The following STAC variants were observed in gnomAD, a reference collection of about 807,000 sequenced individuals.
The protein encoded by STAC is SH3 and cysteine-rich domain-containing protein.
STAC carries 43 observed loss-of-function variants against 48.8 expected under a neutral mutation model. The ratio of observed to expected loss-of-function variants is 0.88; its 90% confidence interval spans 0.69 to 1.14. STAC has a LOEUF of 1.14. Ranked by LOEUF, STAC falls within the 50% of genes most tolerant of loss-of-function variation. The probability of loss-of-function intolerance (pLI) is 0.00; values close to 1 mark genes in which losing one functional copy is unlikely to be tolerated. For missense variants in STAC, 497 were observed against 504.0 expected (o/e 0.99, Z 0.13); for synonymous variants, 193 against 179.5 (o/e 1.07, Z -0.60).
chr3:36,397,892 C>A (rs567140178), intron 1 of STAC, among the ~76,000 whole-genome samples: 1 of 151,676 alleles, frequency 6.6e-6, no homozygotes, highest in Non-Finnish European at 1.5e-5. Context: ...GATAGGATGA[C>A]TTTTGCATGC....
Position 36,533,032 on chromosome 3 carries a change from G to A in STAC, c.1110+4047G>A, listed in dbSNP as rs75350845. Among the ~76,000 whole-genome samples the A allele has an allele frequency of 8.1e-4, 124 of 152,290 alleles. No individual in the cohort carries two copies. In the East Asian group the frequency reaches 0.023, roughly 28 times the overall value. On this transcript the variant is annotated intron_variant, in intron 10 of 10. Coordinates refer to ENST00000273183, the MANE Select transcript of STAC (RefSeq NM_003149.3). ...GGGGCAAAAGCCTAGTAAGTGTCCA[G>A]AATGGAACATAAACACAGGTCTGCA... is the stretch of plus-strand genomic sequence containing the variant.
intron 1 of STAC, among the ~76,000 whole-genome samples, chr3:36,438,494 T>C (rs1487023898): frequency 6.6e-6 from 1 of 152,242 alleles, no homozygotes; most frequent in East Asian, 1.9e-4. Context: ...ATCTGGCCTC[T>C]GCTCTTTTAG....
At chr3:36,479,646 G>C (rs2125697293) in intron 2 of STAC, among the ~76,000 whole-genome samples, 1 of 152,264 alleles carries the variant, frequency 6.6e-6, no homozygotes, top group South Asian at 2.1e-4. Flanking sequence ...TCTGAGAGTA[G>C]GTAGTACTAG....
intron 3 of STAC, among the ~76,000 whole-genome samples, chr3:36,484,492 T>G (rs755961916): frequency 2.0e-5 from 3 of 152,348 alleles, no homozygotes; most frequent in Admixed American, 6.5e-5. Context: ...AAACAGAGAA[T>G]AGAATCCAGA....
At chr3:36,423,800 G>C (rs1331975066) in intron 1 of STAC, among the ~76,000 whole-genome samples, 1 of 152,128 alleles carries the variant, frequency 6.6e-6, no homozygotes, top group Admixed American at 6.5e-5. Context: ...GTTGCTACAA[G>C]ATGTTTTCAG....
Position 36,466,421 on chromosome 3 carries a change from T to TG in STAC, c.389-16571_389-16570insG, listed in dbSNP as rs1465635809. The stretch of plus-strand genomic sequence containing the variant: ...TTCATATGAATTCTAGGATTGTTTT[T>TG]TTCTAGTTCTGTGAAGAATGGTGTT... On this transcript the variant is annotated intron_variant, in intron 2 of 10. Coordinates refer to ENST00000273183, the MANE Select transcript of STAC (RefSeq NM_003149.3). Among the ~76,000 whole-genome samples, 3 of 152,222 alleles carry TG rather than the reference T, an allele frequency of 2.0e-5. No homozygotes were observed. The South Asian group carries it at 6.2e-4, about 31-fold the overall frequency.
chr3:36,469,336 A>G (rs976602973), intron 2 of STAC, among the ~76,000 whole-genome samples: 2 of 152,066 alleles, frequency 1.3e-5, no homozygotes, highest in Non-Finnish European at 2.9e-5. Context: ...TCTTTCCTTC[A>G]TTTATGAAGC....
intron 8 of STAC, among the ~76,000 whole-genome samples, chr3:36,527,955 A>G (rs2125731489): frequency 6.6e-6 from 1 of 152,266 alleles, no homozygotes; most frequent in East Asian, 1.9e-4. Flanking sequence ...TTGAGAGGGT[A>G]TTGGGAAGGT....
At chr3:36,447,207 T>C (rs918471534) in intron 2 of STAC, among the ~76,000 whole-genome samples, 2 of 151,822 alleles carry the variant, frequency 1.3e-5, no homozygotes, top group East Asian at 1.9e-4. Context: ...CCCCAGGAAG[T>C]AGTGAGAGTG....
chr3:36,465,256 T>C (rs1697136182), intron 2 of STAC, among the ~76,000 whole-genome samples: 1 of 152,244 alleles, frequency 6.6e-6, no homozygotes, highest in Non-Finnish European at 1.5e-5. Flanking sequence ...CATTTCTATA[T>C]CTTCTCTAGA....
intron 8 of STAC, among the ~76,000 whole-genome samples, chr3:36,516,118 G>GGATT (rs2125721676): frequency 6.6e-6 from 1 of 151,452 alleles, no homozygotes; most frequent in African/African-American, 2.4e-5. Context: ...CAAGTAGCTG[G>GGATT]GATTACAGGC....
At chr3:36,491,930 C>T (rs1485246322) in intron 5 of STAC, among the ~76,000 whole-genome samples, 1 of 139,158 alleles carries the variant, frequency 7.2e-6, no homozygotes, top group African/African-American at 2.7e-5. Context: ...ACAAGAATCG[C>T]TTGAACCCAG....
intron 2 of STAC, among the ~76,000 whole-genome samples, chr3:36,463,218 A>C (rs755342974): frequency 8.5e-5 from 13 of 152,176 alleles, no homozygotes; most frequent in Admixed American, 2.0e-4. Context: ...ATAGAAGGGA[A>C]TTCTCTCAAT....
chr3:36,407,673 G>A (rs1201359874), intron 1 of STAC, among the ~76,000 whole-genome samples: 1 of 152,192 alleles, frequency 6.6e-6, no homozygotes, highest in African/African-American at 2.4e-5. Flanking sequence ...AAGTTCAGTG[G>A]TTTAGCACAA....
Position 36,505,815 on chromosome 3 carries a change from A to G in STAC, c.901A>G (p.Asn301Asp). The G allele has an allele frequency of 8.1e-6, 13 of 1,606,072 alleles. No individual in the cohort carries two copies. The highest frequency in any genetic ancestry group is 1.1e-5 in the Non-Finnish European group (13 of 1,176,812). The change falls in exon 8 of 11, where the codon AAT becomes GAT. Residue 301 changes from asparagine to aspartate, a missense_variant. Transcript: ENST00000273183. ...VALYKFVPQE[N>D]EDLEMRPGDI... ...CTTGTACAAATTTGTACCACAGGAG[A>G]ATGAAGATTTGGAAATGAGGTAAAA...
chr3:36,518,708 T>C (rs1414563524), intron 8 of STAC, among the ~76,000 whole-genome samples: 1 of 152,204 alleles, frequency 6.6e-6, no homozygotes, highest in Non-Finnish European at 1.5e-5. Context: ...TGCCAGAATT[T>C]CTGGAGATGG....
chr3:36,424,038 C>T (rs1403778506), intron 1 of STAC, among the ~76,000 whole-genome samples: 2 of 152,116 alleles, frequency 1.3e-5, no homozygotes, highest in Non-Finnish European at 2.9e-5. Context: ...TGAGTGAAAA[C>T]TTGAGGACAA....
chr3:36,458,728 C>T (rs962513833), intron 2 of STAC, among the ~76,000 whole-genome samples: 5 of 152,168 alleles, frequency 3.3e-5, no homozygotes, highest in African/African-American at 1.2e-4. Flanking sequence ...TCTAAAGCTG[C>T]ACCTCAATTT....
chr3:36,509,541 A>G (rs948612100), intron 8 of STAC, among the ~76,000 whole-genome samples: 2 of 152,136 alleles, frequency 1.3e-5, no homozygotes, highest in Non-Finnish European at 1.5e-5. Context: ...AGGTACACCA[A>G]TCAAATGTAG....
Sources: allele counts gnomAD v4.1 joint callset (sites outside exome capture counted in the v4.1 genomes callset), GRCh38; gene constraint gnomAD v4.1.1; transcripts MANE v1.5; gene names NCBI Gene and HGNC (gene_info 2026-07-23, HGNC 2026-07-21).